The following LRRIQ1 variants were observed in gnomAD, a reference collection of about 807,000 sequenced individuals.
The protein encoded by LRRIQ1 is leucine-rich repeat- and IQ domain-containing protein 1.
LRRIQ1 carries 210 observed loss-of-function variants against 211.9 expected under a neutral mutation model. The ratio of observed to expected loss-of-function variants is 0.99; its 90% CI spans 0.89 to 1.11. LRRIQ1 has a LOEUF of 1.11. LRRIQ1 is among the 50% of genes most tolerant of loss of function. LRRIQ1 has a pLI of 0.00. For missense variants in LRRIQ1, 2,136 were observed against 1,939.5 expected (o/e 1.10, Z -1.90); for synonymous variants, 699 against 650.1 (o/e 1.08, Z -1.14).
intron 14 of LRRIQ1, among the ~76,000 whole-genome samples, chr12:85,104,964 T>C (rs1221674716): frequency 6.6e-6 from 1 of 152,114 alleles, no homozygotes; most frequent in African/African-American, 2.4e-5. Context: ...TGTTATCTCA[T>C]TGTGGTTTTA....
At chr12:85,189,298 C>A (rs1027947207) in intron 24 of LRRIQ1, among the ~76,000 whole-genome samples, 8 of 152,028 alleles carry the variant, frequency 5.3e-5, no homozygotes, top group African/African-American at 1.9e-4. Flanking sequence ...GCAGCTCTGG[C>A]ATTACTGTAT....
chr12:85,079,108 G>A (rs1314598995), intron 11 of LRRIQ1, among the ~76,000 whole-genome samples: 15 of 152,028 alleles, frequency 9.9e-5, no homozygotes, highest in African/African-American at 3.6e-4. Flanking sequence ...CCAAATGAGA[G>A]TGAAAAACCA....
rs1331226552 is a variant in LRRIQ1 at position 85,056,636 on chromosome 12, T to C, written c.1843T>C (p.Ser615Pro). The part of the protein sequence containing the change: ...LVISVKQRSL[S>P]LTSENSKDVR... ...TATTTCAGTGAAACAAAGATCACTC[T>C]CACTAACATCAGAAAATTCCAAAGA... Residue 615 changes from serine to proline, a missense_variant, in exon 8 of 27, where the codon TCA becomes CCA. Transcript: ENST00000393217. The C allele has an allele frequency of 7.5e-6, 12 of 1,597,680 alleles. No individual in the cohort carries two copies. Among genetic ancestry groups the C allele is most frequent in the Non-Finnish European group, 1.0e-5 (12 of 1,173,608 alleles).
At chr12:85,081,743 T>TTTTG (rs1301052343) in intron 11 of LRRIQ1, among the ~76,000 whole-genome samples, 1 of 142,208 alleles carries the variant, frequency 7.0e-6, no homozygotes, top group Non-Finnish European at 1.6e-5. Flanking sequence ...TTTTTTTTTT[T>TTTTG]GAGACAGTCT....
chr12:85,077,524 A>G (rs892969910), intron 11 of LRRIQ1, among the ~76,000 whole-genome samples: 5 of 152,166 alleles, frequency 3.3e-5, no homozygotes, highest in Non-Finnish European at 7.4e-5. Context: ...GGGAAGAAAT[A>G]TTGGATATTT....
chr12:85,196,189 A>G (rs1276299481), intron 24 of LRRIQ1, among the ~76,000 whole-genome samples: 1 of 152,172 alleles, frequency 6.6e-6, no homozygotes, highest in Non-Finnish European at 1.5e-5. Context: ...ATACAAACAA[A>G]TGGAAGAACA....
chr12:85,223,504 A>G (rs1488920797), intron 24 of LRRIQ1, among the ~76,000 whole-genome samples: 1 of 152,226 alleles, frequency 6.6e-6, no homozygotes, highest in Admixed American at 6.5e-5. Context: ...TTGTAGTGAT[A>G]TTATTTGTGA....
At chr12:85,261,867 G>A (rs1295960806) in intron 1 of LRRIQ1, among the ~76,000 whole-genome samples, 3 of 151,660 alleles carry the variant, frequency 2.0e-5, no homozygotes, top group South Asian at 4.1e-4. Context: ...TCGGCTCACC[G>A]CAACCCTCCG....
At chr12:85,126,978 G>C (rs1219254101) in intron 17 of LRRIQ1, among the ~76,000 whole-genome samples, 1 of 152,128 alleles carries the variant, frequency 6.6e-6, no homozygotes, top group Non-Finnish European at 1.5e-5. Flanking sequence ...ATTAGGAAAT[G>C]GAGATAGGTC....
At chr12:85,079,291 G>T (rs532750843) in intron 11 of LRRIQ1, among the ~76,000 whole-genome samples, 3 of 125,716 alleles carry the variant, frequency 2.4e-5, no homozygotes, top group African/African-American at 9.6e-5. Flanking sequence ...ACTCTGTCTC[G>T]GCTTACTGCA....
At chr12:85,096,779 T>G (rs1364380273) in intron 11 of LRRIQ1, among the ~76,000 whole-genome samples, 1 of 152,196 alleles carries the variant, frequency 6.6e-6, no homozygotes, top group Non-Finnish European at 1.5e-5. Context: ...CCTCCATGAT[T>G]ACTGTGTGGC....
chr12:85,117,340 C>A (rs1887652564), intron 15 of LRRIQ1, among the ~76,000 whole-genome samples: 1 of 152,110 alleles, frequency 6.6e-6, no homozygotes, highest in Non-Finnish European at 1.5e-5. Flanking sequence ...TCCAGGATCA[C>A]TTTTCCCGGT....
intron 24 of LRRIQ1, among the ~76,000 whole-genome samples, chr12:85,168,570 C>G (rs1316030786): frequency 6.6e-6 from 1 of 152,212 alleles, no homozygotes; most frequent in Non-Finnish European, 1.5e-5. Context: ...GAATAGGAAG[C>G]AAAAATTTTG....
At chr12:85,118,610 A>G (rs1887752632) in intron 15 of LRRIQ1, among the ~76,000 whole-genome samples, 1 of 151,740 alleles carries the variant, frequency 6.6e-6, no homozygotes, top group Non-Finnish European at 1.5e-5. Context: ...CTATACACAG[A>G]GATACATTAT....
chr12:85,167,720 C>A (rs1478488134), intron 24 of LRRIQ1, among the ~76,000 whole-genome samples: 1 of 152,174 alleles, frequency 6.6e-6, no homozygotes, highest in African/African-American at 2.4e-5. Flanking sequence ...CCCTCACAGA[C>A]ACAACCAGGA....
intron 10 of LRRIQ1, among the ~76,000 whole-genome samples, chr12:85,069,312 T>C (rs187467412): frequency 9.2e-5 from 14 of 152,236 alleles, no homozygotes; most frequent in Admixed American, 8.5e-4. Flanking sequence ...GGTGTATATG[T>C]GCCACATTTT....
intron 24 of LRRIQ1, among the ~76,000 whole-genome samples, chr12:85,212,330 A>G (rs2137074780): frequency 6.6e-6 from 1 of 151,824 alleles, no homozygotes; most frequent in South Asian, 2.1e-4. Context: ...AAAAGAAAAG[A>G]AAAAAAACAG....
At position 85,038,157 on chromosome 12, in the gene LRRIQ1, G is replaced by T. The variant is rs755698692; in HGVS notation, c.-20G>T. The T allele has an allele frequency of 2.0e-6, 3 of 1,485,616 alleles. No individual in the cohort carries two copies. The highest frequency in any genetic ancestry group is 1.4e-5 in the South Asian group (1 of 69,202). The allele number at this position is 1,485,616 out of a possible 1,614,324, so 92.0% of individuals were successfully genotyped here. A position where few individuals can be genotyped will look rare whatever the true frequency, so the allele number is the denominator to read the frequency against. ...CCTCTTCATTTTTTAAAGCAGTTCT[G>T]TGCTTTATTATGAAGAATAATGGAC... On this transcript the variant is annotated 5_prime_UTR_variant, in exon 2 of 27. Coordinates refer to ENST00000393217, the MANE Select transcript of LRRIQ1 (RefSeq NM_001079910.2).
chr12:85,083,561 TCCCGA>T (rs1884511885), intron 11 of LRRIQ1, among the ~76,000 whole-genome samples: 2 of 151,812 alleles, frequency 1.3e-5, no homozygotes, highest in Non-Finnish European at 2.9e-5. Context: ...TGCCTCAGCC[TCCCGA>T]GTAGCTGGGA....
Sources: allele counts gnomAD v4.1 joint callset (sites outside exome capture counted in the v4.1 genomes callset), GRCh38; gene constraint gnomAD v4.1.1; transcripts MANE v1.5; gene names NCBI Gene and HGNC (gene_info 2026-07-23, HGNC 2026-07-21).